Variants in SLCO1B1 observed in about 807,000 individuals in gnomAD.
SLCO1B1 encodes the protein OATP-2.
Under a neutral mutation model 70.1 loss-of-function variants are expected in SLCO1B1, and 81 were observed. The ratio of observed to expected loss-of-function variants is 1.16; its 90% confidence interval spans 0.97 to 1.39. The LOEUF is 1.39. SLCO1B1 is among the 40% of genes most tolerant of loss of function. The pLI is 0.00. For synonymous variants in SLCO1B1, 283 were observed against 271.5 expected, an observed-to-expected ratio of 1.04 and a Z score of -0.42; for missense variants, 895 against 799.6, an observed-to-expected ratio of 1.12 and a Z score of -1.44.
At chr12:21,137,657 C>T (rs1591794706) in intron 1 of SLCO1B1, among the ~76,000 whole-genome samples, 2 of 152,192 alleles carry the variant, frequency 1.3e-5, no homozygotes, top group Admixed American at 1.3e-4. Flanking sequence ...ATATAATCTC[C>T]TGGTGTGCTG....
At chr12:21,134,240 T>A (rs1940182950) in intron 1 of SLCO1B1, among the ~76,000 whole-genome samples, 1 of 152,202 alleles carries the variant, frequency 6.6e-6, no homozygotes, top group African/African-American at 2.4e-5. Flanking sequence ...TTTGCCAGTA[T>A]TTTATTGAGG....
intron 1 of SLCO1B1, among the ~76,000 whole-genome samples, chr12:21,135,241 G>C (rs1465632652): frequency 2.0e-5 from 3 of 152,156 alleles, no homozygotes; most frequent in African/African-American, 7.2e-5. Context: ...GCTGAGGAGA[G>C]CTTTACTTCC....
In SLCO1B1 at chr12:21,205,879, T is replaced by C. The variant is rs1284662769; in HGVS notation, c.1343T>C (p.Val448Ala). The change falls in exon 11 of 15, where the codon GTG (valine) becomes GCG (alanine). Residue 448 changes from valine to alanine, a missense_variant. Transcript: ENST00000256958. ...LTMTYDGNNP[V>A]TSHRDVPLSY... ...TCATATATTTCCAGAAATAATCCAG[T>C]GACATCTCATAGAGATGTACCACTT... is the stretch of plus-strand genomic sequence containing the variant. The C allele has an allele frequency of 6.2e-7, 1 of 1,603,468 alleles. No individual in the cohort carries two copies. Among genetic ancestry groups the C allele is most frequent in the African/African-American group, 1.3e-5 (1 of 74,630 alleles).
At chr12:21,222,028 C>G (rs932797872) in intron 12 of SLCO1B1, among the ~76,000 whole-genome samples, 7 of 151,926 alleles carry the variant, frequency 4.6e-5, no homozygotes, top group African/African-American at 1.5e-4. Flanking sequence ...CTGTTCTAAC[C>G]ACTTCCTCAT....
Position 21,224,680 on chromosome 12 carries a change from A to C in SLCO1B1, c.1748-42A>C, listed in dbSNP as rs763925482. 9 of 1,170,708 alleles carry C rather than the reference A, an allele frequency of 7.7e-6. No homozygotes were observed. In the Admixed American group the frequency reaches 1.4e-4, roughly 18 times the overall value. The allele number at this position is 1,170,708 out of a possible 1,614,324, so 72.5% of individuals were successfully genotyped here. A position where few individuals can be genotyped will look rare whatever the true frequency, so the allele number is the denominator to read the frequency against. On this transcript the variant is annotated intron_variant, in intron 13 of 14. Coordinates refer to ENST00000256958, the MANE Select transcript of SLCO1B1 (RefSeq NM_006446.5). ...TGGAATATCATGCAGTTACATTTAA[A>C]ATATGTTCCCTAAACTGACATCTTC...
In SLCO1B1 at chr12:21,238,987, A is replaced by C. The variant is rs770045197; in HGVS notation, c.1874A>C (p.Tyr625Ser). The C allele has an allele frequency of 1.9e-6, 3 of 1,560,034 alleles. No homozygotes were observed. In the South Asian group the frequency reaches 3.4e-5, roughly 18 times the overall value. The change falls in exon 15 of 15, where the codon TAC becomes TCC. Residue 625 changes from tyrosine (Y) to serine (S), a missense_variant. Physicochemically the swap from Tyr to Ser is moderately radical, Grantham distance 144. Coordinates refer to ENST00000256958, the MANE Select transcript of SLCO1B1 (RefSeq NM_006446.5). ...TYNSTSFSRVYLGLSSMLRVS... is the reference protein window; with the variant it reads ...TYNSTSFSRVSLGLSSMLRVS... ...TTTCTCTATTTCTACAGAAGGGTCT[A>C]CTTGGGCTTGTCTTCAATGTTAAGA...
chr12:21,189,575 G>A (rs138356306), intron 7 of SLCO1B1, among the ~76,000 whole-genome samples: 329 of 152,078 alleles, frequency 2.2e-3, no homozygotes, highest in African/African-American at 7.2e-3. Context: ...AGCCTCCAGA[G>A]TATCTGGGAT....
chr12:21,222,504 T>C (rs910047087), intron 13 of SLCO1B1, 140 bp downstream of exon 13: 3 of 225,676 alleles, frequency 1.3e-5, no homozygotes, highest in African/African-American at 7.1e-5. Flanking sequence ...GAATCTTTAA[T>C]TATGATAGTA....
chr12:21,150,282 C>G (rs896822627), intron 2 of SLCO1B1, among the ~76,000 whole-genome samples: 3 of 152,174 alleles, frequency 2.0e-5, no homozygotes, highest in African/African-American at 7.2e-5. Flanking sequence ...CAGACTTAAA[C>G]TATCCTGCCT....
At chr12:21,155,472 A>G (rs937814023) in intron 2 of SLCO1B1, among the ~76,000 whole-genome samples, 1 of 152,078 alleles carries the variant, frequency 6.6e-6, no homozygotes, top group Non-Finnish European at 1.5e-5. Flanking sequence ...ACTCCTGTTA[A>G]GTGTTTTGTA....
Position 21,197,006 on chromosome 12 carries a change from T to C in SLCO1B1, c.788T>C (p.Leu263Pro), listed in dbSNP as rs1298675209. ...GTTGGAGCTTGGTGGCTTAATTTCCTTGTGTCTGGACTATTCTCCATTATT... is the reference window on the plus strand; with the variant it reads ...GTTGGAGCTTGGTGGCTTAATTTCCCTGTGTCTGGACTATTCTCCATTATT... ...RWVGAWWLNF[L>P]VSGLFSIISS... The change falls in exon 8 of 15, where the codon CTT becomes CCT. Residue 263 changes from leucine (L) to proline (P), a missense_variant. Leu to Pro is a moderately conservative substitution (Grantham distance 98). Transcript: ENST00000256958. The C allele has an allele frequency of 5.0e-6, 8 of 1,613,610 alleles. No homozygotes were observed. The highest frequency in any genetic ancestry group is 6.8e-6 in the Non-Finnish European group (8 of 1,179,696).
intron 14 of SLCO1B1, among the ~76,000 whole-genome samples, chr12:21,230,986 C>A (rs538181257): frequency 4.3e-5 from 5 of 115,444 alleles, no homozygotes; most frequent in Non-Finnish European, 8.5e-5. Flanking sequence ...CCCCACCCCA[C>A]GACAGGCCCC....
chr12:21,186,652 A>C (rs1940965212), intron 7 of SLCO1B1, among the ~76,000 whole-genome samples: 1 of 151,996 alleles, frequency 6.6e-6, no homozygotes, highest in Non-Finnish European at 1.5e-5. Context: ...TCCAGCATAA[A>C]GATCATTGTA....
In SLCO1B1 at chr12:21,202,762, G is replaced by A; in HGVS notation, c.1331+76G>A. 3.4e-6 allele frequency: 4 copies of A among 1,169,402 alleles called. No individual in the cohort carries two copies. The East Asian group carries it at 7.2e-5, about 21-fold the overall frequency. 72.4% of individuals were successfully genotyped at this position (1,169,402 alleles called of 1,614,324 possible). ...AGAGTCTCTGTATAAGTAATATAAGGCAGAAAACAATTTTAACTAAACTTT... is the reference window on the plus strand; with the variant it reads ...AGAGTCTCTGTATAAGTAATATAAGACAGAAAACAATTTTAACTAAACTTT... On this transcript the variant is annotated intron_variant, in intron 10 of 14. Transcript: ENST00000256958.
intron 7 of SLCO1B1, among the ~76,000 whole-genome samples, chr12:21,194,796 A>G (rs1434813179): frequency 6.6e-6 from 1 of 152,202 alleles, no homozygotes; most frequent in East Asian, 1.9e-4. Flanking sequence ...TATCAAGTAA[A>G]GAGGTTTAAT....
chr12:21,239,178 A>C lies in SLCO1B1; in HGVS notation c.2065A>C (p.Thr689Pro). The C allele has an allele frequency of 6.2e-7, 1 of 1,611,820 alleles. No homozygotes were observed. Among genetic ancestry groups the C allele is most frequent in the Non-Finnish European group, 8.5e-7 (1 of 1,178,102 alleles). The part of the protein sequence containing the change: ...FVPSAGADSE[T>P]HC ...CCCTTCTGCTGGGGCAGATAGTGAA[A>C]CACATTGTTAAGGGGAGAAAAAAAG... The change falls in exon 15 of 15, where the codon ACA becomes CCA. Residue 689 changes from threonine to proline, a missense_variant. Transcript: ENST00000256958.
Position 21,176,343 on chromosome 12 carries a change from T to G in SLCO1B1, c.360-433T>G, listed in dbSNP as rs370474531. Among the ~76,000 whole-genome samples, 149 of 152,252 alleles carry G rather than the reference T, an allele frequency of 9.8e-4. 5 individuals are homozygous for G. The South Asian group carries it at 0.03, about 31-fold the overall frequency. The stretch of plus-strand genomic sequence containing the variant: ...GTTGAAATGGATTAGATTTTATTTT[T>G]ACTACATTTTGAAGAGTCATACATT... On this transcript the variant is annotated intron_variant, in intron 4 of 14. Coordinates refer to ENST00000256958, the MANE Select transcript of SLCO1B1 (RefSeq NM_006446.5).
At chr12:21,179,100 T>C in intron 7 of SLCO1B1, 80 bp downstream of exon 7, 1 of 855,142 alleles carries the variant, frequency 1.2e-6, no homozygotes. Flanking sequence ...AATAACTGAA[T>C]TCACTCTTTC....
chr12:21,161,147 C>A (rs1433975780), intron 2 of SLCO1B1, among the ~76,000 whole-genome samples: 1 of 152,098 alleles, frequency 6.6e-6, no homozygotes, highest in Non-Finnish European at 1.5e-5. Flanking sequence ...AACCCAGCAA[C>A]CTCATCACTG....
Sources: allele counts gnomAD v4.1 joint callset (sites outside exome capture counted in the v4.1 genomes callset), GRCh38; gene constraint gnomAD v4.1.1; transcripts MANE v1.5; gene names NCBI Gene and HGNC (gene_info 2026-07-23, HGNC 2026-07-21).